Variants in POLK observed in about 807,000 individuals in gnomAD.
POLK encodes DNA polymerase kappa.
In POLK, 76 loss-of-function variants were observed where a neutral mutation model predicts 94.0. That is an observed-to-expected ratio of 0.81 (90% CI 0.67 to 0.98). The LOEUF is 0.98. Among genes scored for constraint, POLK ranks in the 50% least tolerant of loss-of-function variants. POLK has a pLI of 0.00. For synonymous variants in POLK, 349 were observed against 325.4 expected (o/e 1.07, Z -0.78); for missense variants, 954 against 1,010.1 (o/e 0.94, Z 0.75).
At chr5:75,577,081 A>C (rs1771924242) in intron 6 of POLK, 148 bp downstream of exon 6, 2 of 435,724 alleles carry the variant, frequency 4.6e-6, no homozygotes, top group Non-Finnish European at 7.9e-6. Flanking sequence ...AGAAAATTTT[A>C]AAAATACCAG....
At chr5:75,528,029 G>A (rs1208616147) in intron 1 of POLK, among the ~76,000 whole-genome samples, 1 of 152,140 alleles carries the variant, frequency 6.6e-6, no homozygotes, top group Admixed American at 6.5e-5. Context: ...GAAGTTAAAA[G>A]TTCAGCCATC....
chr5:75,554,329 G>T (rs1770483143), intron 3 of POLK, among the ~76,000 whole-genome samples: 3 of 151,830 alleles, frequency 2.0e-5, no homozygotes, highest in African/African-American at 4.8e-5. Context: ...GATTTATAAG[G>T]TCTTAATATA....
rs1455495507 is a variant in POLK, at chr5:75,512,156, C to T, written c.-14+242C>T. On this transcript the variant is annotated intron_variant, in intron 1 of 14. Transcript: ENST00000241436. ...GAGCATCTGGCCGCTTCCGCCTCAA[C>T]CATGGGCTGGGGTTTTGTGAGCTAC... is the stretch of plus-strand genomic sequence containing the variant. The T allele has an allele frequency of 1.9e-5, 4 of 213,804 alleles. No homozygotes were observed. The East Asian group carries it at 4.6e-4, about 24-fold the overall frequency. The allele number at this position is 213,804 out of a possible 1,614,324, so 13.2% of individuals were successfully genotyped here. A position where few individuals can be genotyped will look rare whatever the true frequency, so the allele number is the denominator to read the frequency against.
intron 6 of POLK, among the ~76,000 whole-genome samples, chr5:75,578,862 G>C (rs909924336): frequency 6.6e-6 from 1 of 152,144 alleles, no homozygotes. Context: ...AATCTGGATG[G>C]TGAGTGCCAG....
intron 6 of POLK, 66 bp downstream of exon 6, chr5:75,576,999 A>G: frequency 1.1e-6 from 1 of 910,804 alleles, no homozygotes; most frequent in Non-Finnish European, 1.6e-6. Context: ...AACTCTTTGA[A>G]TTAATCCAAT....
intron 3 of POLK, among the ~76,000 whole-genome samples, chr5:75,559,641 G>A (rs1325552323): frequency 6.9e-6 from 1 of 144,036 alleles, no homozygotes; most frequent in Non-Finnish European, 1.5e-5. Flanking sequence ...GGCTCAAACA[G>A]TCCTCCCGCC....
chr5:75,527,581 G>A (rs1353612451), intron 1 of POLK, among the ~76,000 whole-genome samples: 2 of 151,946 alleles, frequency 1.3e-5, no homozygotes, highest in African/African-American at 2.4e-5. Flanking sequence ...ATGTGTATGT[G>A]TGTGTGTATA....
rs145405503 is a variant in POLK at position 75,545,321 on chromosome 5, C to T, written c.-13-1689C>T. 6.6e-5 allele frequency among the ~76,000 whole-genome samples: 10 copies of T among 152,278 alleles called. No individual in the cohort carries two copies. In the East Asian group the frequency reaches 1.9e-3, roughly 29 times the overall value. On this transcript the variant is annotated intron_variant, in intron 1 of 14. Coordinates refer to ENST00000241436, the Ensembl canonical transcript of POLK. ...TCACAATCGTAATTTATTTTAGATT[C>T]ATGACAGCTGTTCATCTGGCCACTT...
chr5:75,530,810 CT>C (rs1166307868), intron 1 of POLK, among the ~76,000 whole-genome samples: 143 of 133,758 alleles, frequency 1.1e-3, no homozygotes, highest in Non-Finnish European at 1.2e-3. Flanking sequence ...CTTTTCTTTT[CT>C]TTTTTTTTTT....
chr5:75,580,695 G>A, intron 6 of POLK: 1 of 186,906 alleles, frequency 5.4e-6, no homozygotes, highest in Non-Finnish European at 1.0e-5. Flanking sequence ...AGAAAATTCA[G>A]ATTATTTTAA....
rs1166307868 is a variant in POLK at position 75,530,810 on chromosome 5, CTTTTTTTTTT to C, written c.-13-16194_-13-16185del. Among the ~76,000 whole-genome samples the C allele has an allele frequency of 9.7e-5, 13 of 133,818 alleles. No individual in the cohort carries two copies. The Admixed American group carries it at 9.7e-4, about 10-fold the overall frequency. The allele number at this position is 133,818 out of a possible 152,430, so 87.8% of individuals were successfully genotyped here. On this transcript the variant is annotated intron_variant, in intron 1 of 14. Transcript: ENST00000241436. ...TCTTGAAATTTTTTTCTTTTCTTTT[CTTTTTTTTTT>C]TTTTTGAGTTGGAGTCTCGCTCTGT... is the stretch of plus-strand genomic sequence containing the variant.
intron 6 of POLK, among the ~76,000 whole-genome samples, chr5:75,579,415 G>C (rs1208197091): frequency 6.6e-6 from 1 of 151,194 alleles, no homozygotes; most frequent in Non-Finnish European, 1.5e-5. Context: ...TGTCACCAAG[G>C]CTGGAGTACA....
At chr5:75,567,951 G>A (rs1771366938) in intron 3 of POLK, among the ~76,000 whole-genome samples, 1 of 152,174 alleles carries the variant, frequency 6.6e-6, no homozygotes, top group South Asian at 2.1e-4. Flanking sequence ...TCTAAAAGAG[G>A]AGTTATAGTT....
Position 75,597,008 on chromosome 5 carries a change from A to T in POLK, c.2315A>T (p.Lys772Ile), listed in dbSNP as rs1191057442. 6 of 1,613,814 alleles carry T rather than the reference A, an allele frequency of 3.7e-6. No individual in the cohort carries two copies. The South Asian group carries it at 6.6e-5, about 18-fold the overall frequency. ...CGCCAGCCTTACTTATGTGAAGTGA[A>T]AACAGGCCAAGCTCTAGTTTGTCCT... The change falls in exon 13 of 15, where the codon AAA (lysine) becomes ATA (isoleucine). Residue 772 changes from lysine (K) to isoleucine (I), a missense_variant. Transcript: ENST00000241436.
At chr5:75,547,907 A>G (rs1454213706) in intron 2 of POLK, among the ~76,000 whole-genome samples, 12 of 152,118 alleles carry the variant, frequency 7.9e-5, no homozygotes, top group Non-Finnish European at 1.5e-4. Context: ...TTTGTATTCC[A>G]CTTATGAAAA....
intron 13 of POLK, 194 bp downstream of exon 13, chr5:75,597,372 CTT>C: frequency 1.9e-6 from 1 of 525,884 alleles, no homozygotes; most frequent in East Asian, 3.0e-5. Context: ...TTGGGGAAAA[CTT>C]TGGTTTGATC....
chr5:75,549,843 C>G (rs765867638), intron 2 of POLK, among the ~76,000 whole-genome samples: 8 of 152,080 alleles, frequency 5.3e-5, no homozygotes, highest in Non-Finnish European at 1.0e-4. Flanking sequence ...CCTTCCCCTA[C>G]TGATTTTTGG....
chr5:75,533,521 G>A (rs949792119), intron 1 of POLK, among the ~76,000 whole-genome samples: 2 of 152,170 alleles, frequency 1.3e-5, no homozygotes, highest in Non-Finnish European at 2.9e-5. Context: ...GTAATGTGAT[G>A]CCTCCAGCTT....
At chr5:75,543,010 C>CTTATTTATTTATTTATTTAT (rs61605357) in intron 1 of POLK, among the ~76,000 whole-genome samples, 1 of 130,384 alleles carries the variant, frequency 7.7e-6, no homozygotes, top group Non-Finnish European at 1.6e-5. Context: ...CGCGCCCAGC[C>CTTATTTATTTATTTATTTAT]TTATTTATTT....
Sources: allele counts gnomAD v4.1 joint callset (sites outside exome capture counted in the v4.1 genomes callset), GRCh38; gene constraint gnomAD v4.1.1; transcripts MANE v1.5; gene names NCBI Gene and HGNC (gene_info 2026-07-23, HGNC 2026-07-21).